Variants in FMO5 observed in about 807,000 individuals in gnomAD.
The protein encoded by FMO5 is flavin-containing monooxygenase 5.
In FMO5, 51 loss-of-function variants were observed where a neutral mutation model predicts 43.6. The observed-to-expected ratio is 1.17, with a 90% CI of 0.93 to 1.48. FMO5 has a LOEUF of 1.48. FMO5 is among the 40% of genes most tolerant of loss of function. The pLI is 0.00. For synonymous variants in FMO5, 187 were observed against 216.5 expected, an observed-to-expected ratio of 0.86 and a Z score of 1.20; for missense variants, 644 against 643.0, an observed-to-expected ratio of 1.00 and a Z score of -0.02.
At chr1:147,204,948 A>G in intron 6 of FMO5, 2 of 1,503,628 alleles carry the variant, frequency 1.3e-6, no homozygotes. Context: ...GCCTGCAGGA[A>G]GCCGTTCACG....
chr1:147,214,276 AC>A (rs1553924497), intron 3 of FMO5, among the ~76,000 whole-genome samples: 1 of 151,950 alleles, frequency 6.6e-6, no homozygotes, highest in East Asian at 1.9e-4. Context: ...ACATGGCGAA[AC>A]CCCGTCTCTA....
Position 147,212,336 on chromosome 1 carries a change from C to T in FMO5, c.630+57G>A, listed in dbSNP as rs1378016437. The T allele has an allele frequency of 8.9e-6, 14 of 1,581,216 alleles. No individual in the cohort carries two copies. In the African/African-American group the frequency reaches 1.3e-4, roughly 15 times the overall value. The stretch of plus-strand genomic sequence containing the variant: ...CTCTGTTGGGTCCACCTGCAGCTTC[C>T]TTGGAGAAACTGAAGCTAGAGTTAA... On this transcript the variant is annotated intron_variant, in intron 5 of 8. Coordinates refer to ENST00000254090, the MANE Select transcript of FMO5 (RefSeq NM_001461.4).
intron 8 of FMO5, among the ~76,000 whole-genome samples, chr1:147,189,046 C>T (rs28381222): frequency 4.6e-5 from 7 of 152,098 alleles, no homozygotes; most frequent in East Asian, 1.9e-4. Flanking sequence ...GAGGCTGAGG[C>T]GGGCAGATCA....
intron 7 of FMO5, among the ~76,000 whole-genome samples, chr1:147,199,206 G>A (rs1553920381): frequency 6.6e-6 from 1 of 151,972 alleles, no homozygotes; most frequent in African/African-American, 2.4e-5. Flanking sequence ...GACAAGGAAG[G>A]AGGCAGGCTT....
chr1:147,218,527 C>T (rs587735609), intron 2 of FMO5, among the ~76,000 whole-genome samples: 5 of 152,192 alleles, frequency 3.3e-5, no homozygotes, highest in Admixed American at 6.5e-5. Flanking sequence ...TGAGCCACCG[C>T]GCCCAGCCTC....
At chr1:147,217,942 T>C (rs1662301571) in intron 2 of FMO5, among the ~76,000 whole-genome samples, 1 of 152,190 alleles carries the variant, frequency 6.6e-6, no homozygotes, top group African/African-American at 2.4e-5. Flanking sequence ...TAAATAGCAC[T>C]CAATAAATGT....
chr1:147,201,042 A>C, intron 7 of FMO5, 110 bp downstream of exon 7: 2 of 764,636 alleles, frequency 2.6e-6, no homozygotes, highest in East Asian at 5.0e-5. Context: ...ACTTTGTGCT[A>C]GGCACTGTTG....
In FMO5 at chr1:147,213,530, T is replaced by G. The variant is rs1348814152; in HGVS notation, c.325-60A>C. 2.8e-6 allele frequency: 4 copies of G among 1,432,654 alleles called. No homozygotes were observed. The African/African-American group carries it at 5.7e-5, about 20-fold the overall frequency. 88.7% of individuals were successfully genotyped at this position (1,432,654 alleles called of 1,614,324 possible). ...CTGACATGACTCTCCTTGCATAGTG[T>G]TACACAAAGGGCTGATATCACAGAC... On this transcript the variant is annotated intron_variant, in intron 3 of 8. Transcript: ENST00000254090.
chr1:147,216,592 G>A (rs782095531), intron 2 of FMO5, among the ~76,000 whole-genome samples: 10 of 152,024 alleles, frequency 6.6e-5, no homozygotes, highest in Non-Finnish European at 1.2e-4. Context: ...ATTCAGCATC[G>A]CTTAGGAAGA....
intron 7 of FMO5, among the ~76,000 whole-genome samples, chr1:147,192,323 G>A (rs1215744173): frequency 6.6e-6 from 1 of 151,926 alleles, no homozygotes; most frequent in African/African-American, 2.4e-5. Flanking sequence ...GTCTGTTGTT[G>A]GTGTATAAGA....
intron 2 of FMO5, among the ~76,000 whole-genome samples, chr1:147,218,065 C>T (rs1553925400): frequency 6.6e-6 from 1 of 152,144 alleles, no homozygotes; most frequent in East Asian, 1.9e-4. Flanking sequence ...CTCAAAAAGA[C>T]TTCAATAAGA....
In FMO5 at chr1:147,213,461, A is replaced by C; in HGVS notation, c.334T>G (p.Cys112Gly). ...LKYIRFKTTV[C>G]SVKKQPDFAT... ...AAATCAGGCTGCTTCTTCACACTGC[A>C]CACAGTGGTCTGAAAAGAAAAGTGA... Residue 112 changes from cysteine to glycine, a missense_variant, in exon 4 of 9, where the codon TGC becomes GGC. Cys to Gly is a radical substitution (Grantham distance 159, BLOSUM62 -3). Transcript: ENST00000254090. 1 of 1,604,698 alleles carries C rather than the reference A, an allele frequency of 6.2e-7. No homozygotes were observed. The highest frequency in any genetic ancestry group is 1.1e-5 in the South Asian group (1 of 89,078).
At chr1:147,220,943 C>CAAA (rs1662895105) in intron 2 of FMO5, among the ~76,000 whole-genome samples, 1 of 54,268 alleles carries the variant, frequency 1.8e-5, no homozygotes, top group African/African-American at 9.6e-5. Flanking sequence ...TTTTAAGTTT[C>CAAA]CAAAAAAAAA....
At chr1:147,211,897 A>C (rs1488210297) in intron 5 of FMO5, among the ~76,000 whole-genome samples, 2 of 152,244 alleles carry the variant, frequency 1.3e-5, no homozygotes, top group African/African-American at 4.8e-5. Context: ...GTCTTTGGGA[A>C]GATAAAATTG....
intron 8 of FMO5, among the ~76,000 whole-genome samples, chr1:147,187,703 A>G (rs1298925554): frequency 6.6e-6 from 1 of 152,212 alleles, no homozygotes; most frequent in East Asian, 1.9e-4. Flanking sequence ...CCCAGGGCCA[A>G]TGTTAATTTG....
intron 2 of FMO5, among the ~76,000 whole-genome samples, chr1:147,221,654 T>C (rs1663032269): frequency 6.6e-6 from 1 of 152,218 alleles, no homozygotes; most frequent in Non-Finnish European, 1.5e-5. Flanking sequence ...TGCAAGTCTG[T>C]ATGTGTATTC....
intron 6 of FMO5, chr1:147,203,928 A>G: frequency 6.1e-6 from 9 of 1,463,530 alleles, no homozygotes; most frequent in Middle Eastern, 1.9e-4. Flanking sequence ...GGAGGTGTCA[A>G]TCTAGGAAGA....
intron 8 of FMO5, 42 bp from the exon 9 acceptor site, chr1:147,187,287 A>C (rs782247233): frequency 2.1e-6 from 3 of 1,447,304 alleles, no homozygotes; most frequent in Non-Finnish European, 2.8e-6. Flanking sequence ...TCAATAATTC[A>C]ATCAGTCAGT....
chr1:147,197,603 C>T (rs952231081), intron 7 of FMO5, among the ~76,000 whole-genome samples: 8 of 152,096 alleles, frequency 5.3e-5, no homozygotes, highest in Admixed American at 4.6e-4. Flanking sequence ...ACGGGGCTTT[C>T]CCTTTCACTC....
Sources: gnomAD v4.1 joint callset for allele counts (sites outside exome capture counted in the v4.1 genomes callset) on GRCh38, gnomAD v4.1.1 for gene constraint, MANE v1.5 for transcripts, NCBI Gene and HGNC (gene_info 2026-07-23, HGNC 2026-07-21) for gene names.